The following CDH13 variants were observed in gnomAD, a reference collection of about 807,000 sequenced individuals.
The protein encoded by CDH13 is cadherin 13, also known as cadherin-13.
CDH13 carries 24 observed loss-of-function variants against 63.8 expected under a neutral mutation model. The ratio of observed to expected loss-of-function variants is 0.38; its 90% CI spans 0.27 to 0.53. The LOEUF is 0.53. CDH13 is among the 20% of genes least tolerant of loss of function. The pLI is 0.85. For missense variants in CDH13, 1,049 were observed against 903.1 expected (o/e 1.16, Z -2.07); for synonymous variants, 503 against 355.3 (o/e 1.42, Z -4.67).
intron 6 of CDH13, among the ~76,000 whole-genome samples, chr16:83,458,796 C>T (rs1015361160): frequency 6.6e-6 from 1 of 152,176 alleles, no homozygotes. Flanking sequence ...GTCTGCTGAT[C>T]GTGGGCCACA....
rs557816463 is a variant in CDH13 at position 83,788,434 on chromosome 16, T to G, written c.2134+4962T>G. Among the ~76,000 whole-genome samples the G allele has an allele frequency of 3.3e-5, 5 of 151,210 alleles. No individual in the cohort carries two copies. The South Asian group carries it at 1.0e-3, about 32-fold the overall frequency. On this transcript the variant is annotated intron_variant, in intron 13 of 13. Transcript: ENST00000567109. Reference sequence around the variant, plus strand: ...ATAATACACATTCTGCTACCAACACTCCCCATATATTAAGTATTAGTAAAC... The same window carrying G: ...ATAATACACATTCTGCTACCAACACGCCCCATATATTAAGTATTAGTAAAC...
At chr16:83,427,735 T>C (rs906138865) in intron 6 of CDH13, among the ~76,000 whole-genome samples, 3 of 152,168 alleles carry the variant, frequency 2.0e-5, no homozygotes, top group East Asian at 3.9e-4. Flanking sequence ...TCTGCACTTA[T>C]GGTCTGCTGT....
At chr16:82,673,706 C>T (rs1480997192) in intron 1 of CDH13, among the ~76,000 whole-genome samples, 2 of 152,190 alleles carry the variant, frequency 1.3e-5, no homozygotes, top group Non-Finnish European at 1.5e-5. Context: ...TTTAGTTAAA[C>T]CTGTATATGT....
intron 4 of CDH13, among the ~76,000 whole-genome samples, chr16:83,193,002 A>G (rs1479179204): frequency 1.3e-5 from 2 of 152,144 alleles, no homozygotes; most frequent in African/African-American, 2.4e-5. Flanking sequence ...TTTGGCAAAG[A>G]TGGAGGCTGC....
intron 5 of CDH13, among the ~76,000 whole-genome samples, chr16:83,285,359 G>A (rs2089282597): frequency 1.3e-5 from 2 of 152,030 alleles, no homozygotes; most frequent in Non-Finnish European, 2.9e-5. Flanking sequence ...GTAATTATGA[G>A]GTTGTTTTAG....
At chr16:83,477,266 A>G (rs371701694) in intron 6 of CDH13, among the ~76,000 whole-genome samples, 5 of 152,332 alleles carry the variant, frequency 3.3e-5, no homozygotes, top group African/African-American at 1.2e-4. Context: ...GTCATAACTT[A>G]TTACATATTT....
intron 4 of CDH13, among the ~76,000 whole-genome samples, chr16:83,209,302 G>A (rs1250569505): frequency 6.6e-6 from 1 of 152,178 alleles, no homozygotes; most frequent in Non-Finnish European, 1.5e-5. Context: ...GGACAGGCCA[G>A]GGGTTCAGAT....
chr16:83,515,676 T>C (rs2074683949), intron 7 of CDH13, among the ~76,000 whole-genome samples: 1 of 152,216 alleles, frequency 6.6e-6, no homozygotes, highest in South Asian at 2.1e-4. Flanking sequence ...GTTACCAAAA[T>C]ATGAGAATCA....
chr16:83,318,223 G>A (rs751744758), intron 5 of CDH13, among the ~76,000 whole-genome samples: 2 of 152,192 alleles, frequency 1.3e-5, no homozygotes, highest in Non-Finnish European at 2.9e-5. Flanking sequence ...CTCATTTCCA[G>A]TAAGGAAGGT....
chr16:83,768,660 G>C (rs1914560622), intron 11 of CDH13, among the ~76,000 whole-genome samples: 1 of 152,168 alleles, frequency 6.6e-6, no homozygotes, highest in Non-Finnish European at 1.5e-5. Context: ...GTTTTTTCTT[G>C]ATGATATGCT....
intron 1 of CDH13, among the ~76,000 whole-genome samples, chr16:82,665,801 T>C (rs4783252): frequency 0.27 from 40,684 of 151,938 alleles, 6,043 homozygotes; most frequent in Non-Finnish European, 0.35. Flanking sequence ...CTACTTTATA[T>C]GTGCTTAGAG....
intron 7 of CDH13, among the ~76,000 whole-genome samples, chr16:83,546,771 T>C (rs978291984): frequency 3.9e-5 from 6 of 152,190 alleles, no homozygotes; most frequent in Admixed American, 1.3e-4. Flanking sequence ...ATAGTACTTA[T>C]TAGGCTATTG....
intron 7 of CDH13, among the ~76,000 whole-genome samples, chr16:83,588,025 C>T (rs540266002): frequency 6.6e-6 from 1 of 152,178 alleles, no homozygotes; most frequent in Admixed American, 6.5e-5. Context: ...AACATCCCTC[C>T]TTCCATCCCG....
intron 1 of CDH13, among the ~76,000 whole-genome samples, chr16:82,710,934 T>C (rs1241885184): frequency 7.0e-6 from 1 of 143,814 alleles, no homozygotes; most frequent in East Asian, 2.0e-4. Context: ...TGTCACCTGA[T>C]TTTTTTTTTA....
intron 1 of CDH13, among the ~76,000 whole-genome samples, chr16:82,735,929 C>A (rs114436159): frequency 1.3e-5 from 2 of 152,174 alleles, no homozygotes; most frequent in African/African-American, 4.8e-5. Flanking sequence ...ACGAGAAAAA[C>A]CAGACGCTAT....
rs539436845 is a variant in CDH13 at position 83,193,016 on chromosome 16, T to C, written c.484-24329T>C. Among the ~76,000 whole-genome samples, 12 of 152,200 alleles carry C rather than the reference T, an allele frequency of 7.9e-5. No homozygotes were observed. The South Asian group carries it at 2.5e-3, about 32-fold the overall frequency. ...TTTTGGCAAAGATGGAGGCTGCCCA[T>C]CATGGGTGACGGTAGAATCTGGTGT... is the stretch of plus-strand genomic sequence containing the variant. On this transcript the variant is annotated intron_variant, in intron 4 of 13. Transcript: ENST00000567109.
intron 2 of CDH13, among the ~76,000 whole-genome samples, chr16:83,011,560 C>G (rs992675331): frequency 2.6e-5 from 4 of 152,152 alleles, no homozygotes; most frequent in Admixed American, 6.5e-5. Flanking sequence ...CCATCTGAGT[C>G]AACCGGGCGG....
At chr16:83,582,403 G>A (rs1019129256) in intron 7 of CDH13, among the ~76,000 whole-genome samples, 19 of 152,092 alleles carry the variant, frequency 1.2e-4, no homozygotes, top group African/African-American at 4.6e-4. Context: ...TTTGTTTTGA[G>A]GGGTCTTTTG....
intron 11 of CDH13, among the ~76,000 whole-genome samples, chr16:83,773,737 T>C (rs1304832482): frequency 2.0e-5 from 3 of 152,138 alleles, no homozygotes; most frequent in African/African-American, 7.2e-5. Flanking sequence ...CTATCTATCC[T>C]TAGGAGGTAA....
Sources: allele counts gnomAD v4.1 joint callset (sites outside exome capture counted in the v4.1 genomes callset), GRCh38; gene constraint gnomAD v4.1.1; transcripts MANE v1.5; gene names NCBI Gene and HGNC (gene_info 2026-07-23, HGNC 2026-07-21).